Variants in WWOX observed in about 807,000 individuals in gnomAD.
The protein encoded by WWOX is WW domain-containing oxidoreductase.
A neutral mutation model predicts 46.2 loss-of-function variants in WWOX; 69 were observed. The ratio of observed to expected loss-of-function variants is 1.49; its 90% CI spans 1.23 to 1.82. WWOX has a LOEUF of 1.82. Ranked by LOEUF, WWOX falls within the 40% of genes most tolerant of loss-of-function variation. The probability of loss-of-function intolerance (pLI) is 0.00; values close to 1 mark genes in which losing one functional copy is unlikely to be tolerated. For missense variants in WWOX, 919 were observed against 542.6 expected (o/e 1.69, Z -6.89); for synonymous variants, 359 against 202.6 (o/e 1.77, Z -6.56).
intron 4 of WWOX, among the ~76,000 whole-genome samples, chr16:78,122,556 A>G (rs2033148637): frequency 6.6e-6 from 1 of 152,062 alleles, no homozygotes; most frequent in South Asian, 2.1e-4. Context: ...CTTTTACATC[A>G]TAGAGTGGCA....
intron 8 of WWOX, among the ~76,000 whole-genome samples, chr16:79,049,168 A>G (rs886253397): frequency 2.0e-5 from 3 of 152,218 alleles, no homozygotes; most frequent in African/African-American, 7.2e-5. Context: ...CATCACAACT[A>G]TTCAGTTCTG....
At chr16:79,180,937 C>T (rs552194870) in intron 8 of WWOX, among the ~76,000 whole-genome samples, 2 of 152,320 alleles carry the variant, frequency 1.3e-5, no homozygotes, top group East Asian at 3.9e-4. Flanking sequence ...GTCTTTTTCC[C>T]TATTCCAGGC....
intron 8 of WWOX, among the ~76,000 whole-genome samples, chr16:78,472,461 T>G (rs16947630): frequency 0.34 from 51,603 of 152,048 alleles, 11,932 homozygotes; most frequent in African/African-American, 0.67. Context: ...TTCTCTTGCT[T>G]TTCTCTAAAG....
chr16:78,573,887 G>A (rs116868271), intron 8 of WWOX, among the ~76,000 whole-genome samples: 3 of 152,148 alleles, frequency 2.0e-5, no homozygotes, highest in African/African-American at 7.2e-5. Flanking sequence ...ATTATTTCAT[G>A]GTTTCTGTGG....
intron 5 of WWOX, among the ~76,000 whole-genome samples, chr16:78,338,341 G>T (rs1407214865): frequency 8.2e-6 from 1 of 121,678 alleles, no homozygotes; most frequent in Admixed American, 8.0e-5. Flanking sequence ...TGAATAGTAT[G>T]TGAAGTCTGT....
At chr16:78,611,658 A>G (rs954697581) in intron 8 of WWOX, among the ~76,000 whole-genome samples, 1 of 152,254 alleles carries the variant, frequency 6.6e-6, no homozygotes, top group African/African-American at 2.4e-5. Context: ...CAGCCTCTGC[A>G]TGATTTTTTA....
At chr16:78,589,651 C>T (rs2045304719) in intron 8 of WWOX, among the ~76,000 whole-genome samples, 1 of 152,134 alleles carries the variant, frequency 6.6e-6, no homozygotes, top group Admixed American at 6.5e-5. Context: ...ATAAAGATAG[C>T]CCATAATTGG....
chr16:78,897,343 C>T (rs1373397934), intron 8 of WWOX: 1 of 150,648 alleles, frequency 6.6e-6, no homozygotes, highest in East Asian at 1.9e-4. Context: ...TCCTTTTATT[C>T]CCAGAAACAA....
At chr16:78,302,847 C>G (rs142198608) in intron 5 of WWOX, among the ~76,000 whole-genome samples, 141 of 152,356 alleles carry the variant, frequency 9.3e-4, no homozygotes, top group African/African-American at 3.4e-3. Flanking sequence ...AGCCCCTTTC[C>G]TGGCTCCAAA....
At position 78,154,709 on chromosome 16, in the gene WWOX, G is replaced by A. The variant is rs374123188; in HGVS notation, c.410-9474G>A. Among the ~76,000 whole-genome samples, 7 of 152,070 alleles carry A rather than the reference G, an allele frequency of 4.6e-5. No individual in the cohort carries two copies. In the South Asian group the frequency reaches 1.5e-3, roughly 32 times the overall value. On this transcript the variant is annotated intron_variant, in intron 4 of 8. Transcript: ENST00000566780. ...TCCACGCAAAGCCAAGTGCTACTGC[G>A]GGGTTTTCCAAGGCATAGCTAGCAT... is the stretch of plus-strand genomic sequence containing the variant.
intron 8 of WWOX, among the ~76,000 whole-genome samples, chr16:79,184,895 G>A (rs941823373): frequency 3.3e-5 from 5 of 152,206 alleles, no homozygotes; most frequent in Non-Finnish European, 7.3e-5. Context: ...AATCAAGAAC[G>A]TGTTACTTTT....
chr16:78,989,290 G>C (rs1352891954), intron 8 of WWOX, among the ~76,000 whole-genome samples: 1 of 152,134 alleles, frequency 6.6e-6, no homozygotes, highest in Non-Finnish European at 1.5e-5. Flanking sequence ...TTTTTAGTTT[G>C]ATTAGTTCAA....
chr16:78,886,490 C>T (rs2044460719), intron 8 of WWOX, among the ~76,000 whole-genome samples: 1 of 151,760 alleles, frequency 6.6e-6, no homozygotes, highest in Non-Finnish European at 1.5e-5. Flanking sequence ...CATCTCTGTA[C>T]AAAATTCCGT....
chr16:78,941,417 C>T (rs934458808), intron 8 of WWOX, among the ~76,000 whole-genome samples: 4 of 151,782 alleles, frequency 2.6e-5, no homozygotes, highest in Non-Finnish European at 5.9e-5. Flanking sequence ...GAGCGTTAGC[C>T]GTTGCTCCTC....
In WWOX at chr16:78,501,248, CAAAATA is replaced by C. The variant is rs533064237; in HGVS notation, c.1056+68501_1056+68506del. On this transcript the variant is annotated intron_variant, in intron 8 of 8. Coordinates refer to ENST00000566780, the MANE Select transcript of WWOX (RefSeq NM_016373.4). ...GCAGCACCTGCATGTTGTAAAAACA[CAAAATA>C]AAAAAAAAATAAATAAAAGCAGACC... Among the ~76,000 whole-genome samples the C allele has an allele frequency of 3.0e-4, 35 of 117,320 alleles. No homozygotes were observed. The East Asian group carries it at 8.4e-3, about 28-fold the overall frequency. 77.0% of individuals were successfully genotyped at this position (117,320 alleles called of 152,430 possible). A position where few individuals can be genotyped will look rare whatever the true frequency, so the allele number is the denominator to read the frequency against.
intron 8 of WWOX, among the ~76,000 whole-genome samples, chr16:78,770,812 C>G (rs538747682): frequency 1.3e-5 from 2 of 152,266 alleles, no homozygotes; most frequent in South Asian, 2.1e-4. Context: ...TCTTTCCTCC[C>G]AAGCCGAGCA....
At chr16:79,175,736 A>T (rs1237765722) in intron 8 of WWOX, among the ~76,000 whole-genome samples, 6 of 152,144 alleles carry the variant, frequency 3.9e-5, no homozygotes, top group African/African-American at 1.4e-4. Context: ...AACAAAAAAG[A>T]TCCTTTCAGA....
intron 8 of WWOX, among the ~76,000 whole-genome samples, chr16:78,848,416 A>G (rs1445701197): frequency 6.6e-6 from 1 of 152,210 alleles, no homozygotes. Context: ...ACCTCGAGAA[A>G]GAACCACTGT....
intron 8 of WWOX, among the ~76,000 whole-genome samples, chr16:78,792,523 G>T (rs1301019568): frequency 2.0e-5 from 3 of 152,134 alleles, no homozygotes; most frequent in Non-Finnish European, 2.9e-5. Context: ...CACGGCAGAG[G>T]GCATGGATAA....
Sources: allele counts gnomAD v4.1 joint callset (sites outside exome capture counted in the v4.1 genomes callset), GRCh38; gene constraint gnomAD v4.1.1; transcripts MANE v1.5; gene names NCBI Gene and HGNC (gene_info 2026-07-23, HGNC 2026-07-21).